ZNF195: variants seen among roughly 807,000 people sequenced by gnomAD.
ZNF195 encodes the protein zinc finger protein 195, also known as hypoxia-regulated factor-1.
Under a neutral mutation model 19.5 loss-of-function variants are expected in ZNF195, and 11 were observed. The ratio of observed to expected loss-of-function variants is 0.57; its 90% CI spans 0.36 to 0.94. The LOEUF (loss-of-function observed/expected upper bound fraction) is 0.94, where lower values mean the gene tolerates loss of function less well. ZNF195 is among the 40% of genes least tolerant of loss of function. ZNF195 has a pLI of 0.01. For synonymous variants in ZNF195, 214 were observed against 248.1 expected (o/e 0.86, Z 1.29); for missense variants, 582 against 709.0 (o/e 0.82, Z 2.03).
At chr11:3,371,256 T>C in intron 2 of ZNF195, 186 bp from the exon 3 acceptor site, 1 of 669,116 alleles carries the variant, frequency 1.5e-6, no homozygotes, top group Admixed American at 3.1e-5. Context: ...GTTTCACCAC[T>C]CAGTACTGCT....
chr11:3,377,915 A>C (rs963128532), intron 1 of ZNF195: 3 of 986,544 alleles, frequency 3.0e-6, no homozygotes, highest in Non-Finnish European at 3.6e-6. Flanking sequence ...GGAAAATAAA[A>C]AGGAGGAGAG....
Position 3,360,204 on chromosome 11 carries a change from T to C in ZNF195, c.804A>G (p.Gly268=). ...ATTCTCCACATTTTTGGAATTTTTTTCCAGTGTGAATTTTCTGATGTTCAG... is the reference window on the plus strand; with the variant it reads ...ATTCTCCACATTTTTGGAATTTTTTCCCAGTGTGAATTTTCTGATGTTCAG... ...FLTEHQKIHT[G]KKFQKCGECG... Residue 268 remains glycine, a synonymous_variant, in exon 6 of 6, where the codon GGA becomes GGG. Transcript: ENST00000399602. 6.2e-7 allele frequency: 1 copy of C among 1,614,032 alleles called. No individual in the cohort carries two copies. The highest frequency in any genetic ancestry group is 8.5e-7 in the Non-Finnish European group (1 of 1,179,970).
At chr11:3,360,695 T>C in intron 5 of ZNF195, 25 bp downstream of exon 5, 1 of 1,549,344 alleles carries the variant, frequency 6.5e-7, no homozygotes, top group Admixed American at 2.0e-5. Context: ...CTAATTTCTG[T>C]ATAAACATAT....
chr11:3,360,567 TGAA>T lies in ZNF195; in HGVS notation c.443-5_443-3del, dbSNP rs761725393. ...CTTGGGTAAAATGAGAAGACATAGC[TGAA>T]AAAAAAAAAAAAAGTTATCCGACTT... On this transcript the variant is annotated splice_region_variant and splice_polypyrimidine_tract_variant and intron_variant, in intron 5 of 5. Transcript: ENST00000399602. The T allele has an allele frequency of 2.3e-5, 35 of 1,519,212 alleles. 1 individual carries two copies. In the Admixed American group the frequency reaches 8.0e-4, roughly 35 times the overall value. The allele number at this position is 1,519,212 out of a possible 1,614,324, so 94.1% of individuals were successfully genotyped here.
intron 1 of ZNF195, 21 bp from the exon 2 acceptor site, chr11:3,371,724 A>G: frequency 6.3e-7 from 1 of 1,580,520 alleles, no homozygotes; most frequent in Non-Finnish European, 8.6e-7. Context: ...AACAACAACA[A>G]TAACAAATAC....
chr11:3,369,459 T>C (rs1340720447), intron 3 of ZNF195: 4 of 451,714 alleles, frequency 8.9e-6, no homozygotes, highest in Non-Finnish European at 1.8e-5. Flanking sequence ...GCAGCATTAT[T>C]CACAATTGTC....
At chr11:3,364,953 A>T (rs187765413) in intron 3 of ZNF195, among the ~76,000 whole-genome samples, 2 of 151,982 alleles carry the variant, frequency 1.3e-5, no homozygotes, top group East Asian at 3.9e-4. Flanking sequence ...AAGTGAAAAT[A>T]AAAAAAAATT....
chr11:3,363,400 CA>C (rs1848723726), intron 3 of ZNF195: 1 of 152,054 alleles, frequency 6.6e-6, no homozygotes, highest in Non-Finnish European at 1.5e-5. Context: ...ACCTGTTAAA[CA>C]AATAAATAAG....
intron 1 of ZNF195, chr11:3,373,741 A>G (rs1849324756): frequency 3.0e-6 from 3 of 1,002,956 alleles, no homozygotes; most frequent in East Asian, 5.3e-5. Context: ...AAGACCAAGA[A>G]ATACAGAAAA....
chr11:3,361,998 G>T (rs189773729), intron 3 of ZNF195, 109 bp from the exon 4 acceptor site: 2 of 441,632 alleles, frequency 4.5e-6, no homozygotes, highest in Non-Finnish European at 9.2e-6. Flanking sequence ...AGTGGAGGCC[G>T]CAGTGAGCCA....
At chr11:3,375,809 A>T (rs1376226236) in intron 1 of ZNF195, 1 of 152,076 alleles carries the variant, frequency 6.6e-6, no homozygotes, top group Non-Finnish European at 1.5e-5. Context: ...ACCCTGGGTG[A>T]CTCATTTCTC....
At chr11:3,377,993 A>G (rs988165818) in intron 1 of ZNF195, 29 of 931,022 alleles carry the variant, frequency 3.1e-5, no homozygotes, top group Non-Finnish European at 1.3e-5. Context: ...GAATGATTAC[A>G]AACAGAAAAC....
Position 3,371,457 on chromosome 11 carries a change from T to A in ZNF195, c.130+120A>T, listed in dbSNP as rs1032486956. 2.5e-5 allele frequency: 34 copies of A among 1,338,348 alleles called. 1 individual carries two copies. The highest frequency in any genetic ancestry group is 4.1e-5 in the South Asian group (3 of 73,234). The allele number at this position is 1,338,348 out of a possible 1,614,324, so 82.9% of individuals were successfully genotyped here. ...ACATCAACTATTCCCCATGTTTTTC[T>A]TAAAAGCAGGGATCTGAAACTCATT... On this transcript the variant is annotated intron_variant, in intron 2 of 5. Transcript: ENST00000399602.
intron 3 of ZNF195, among the ~76,000 whole-genome samples, chr11:3,363,546 C>G (rs2133680192): frequency 6.6e-6 from 1 of 152,312 alleles, no homozygotes; most frequent in East Asian, 1.9e-4. Context: ...TGAGCATGCT[C>G]TTGTTCAAAG....
intron 3 of ZNF195, chr11:3,367,063 TAAAA>T (rs745424546): frequency 1.8e-3 from 260 of 147,708 alleles, no homozygotes; most frequent in Middle Eastern, 5.6e-3. Context: ...AAACTCTGTG[TAAAA>T]AAAAAAAAAA....
chr11:3,368,217 C>G (rs1232180424), intron 3 of ZNF195, among the ~76,000 whole-genome samples: 1 of 152,168 alleles, frequency 6.6e-6, no homozygotes, highest in Non-Finnish European at 1.5e-5. Flanking sequence ...TGAAAATGTA[C>G]AGGACAGTGA....
At position 3,360,310 on chromosome 11, in the gene ZNF195, C is replaced by A. The variant is rs1475782521; in HGVS notation, c.698G>T (p.Arg233Ile). The change falls in exon 6 of 6, where the codon AGA becomes ATA. Residue 233 changes from arginine (R) to isoleucine (I), a missense_variant. Physicochemically the swap from Arg to Ile is moderately conservative, Grantham distance 97. Around this residue, in one of 3 missense-constraint regions of ZNF195, gnomAD observed 407 missense variants for 530.5 expected, o/e 0.77. Transcript: ENST00000399602. ...KIFDNFSNLH[R>I]RNISNTGEKP... is the part of the protein sequence containing the mutation. ...CTCTCCAGTATTACTTATATTACGTCTATGTAAATTTGAAAAGTTATCAAA... is the reference window on the plus strand; with the variant it reads ...CTCTCCAGTATTACTTATATTACGTATATGTAAATTTGAAAAGTTATCAAA... The A allele has an allele frequency of 2.6e-5, 41 of 1,605,288 alleles. No homozygotes were observed. The highest frequency in any genetic ancestry group is 3.4e-5 in the Non-Finnish European group (40 of 1,174,406).
At chr11:3,373,303 C>T (rs1190278232) in intron 1 of ZNF195, among the ~76,000 whole-genome samples, 3 of 152,072 alleles carry the variant, frequency 2.0e-5, no homozygotes, top group Non-Finnish European at 4.4e-5. Flanking sequence ...TTCAGTGCCA[C>T]GAAGTGAACT....
At chr11:3,377,511 G>A (rs536255389) in intron 1 of ZNF195, 173 of 910,470 alleles carry the variant, frequency 1.9e-4, no homozygotes, top group East Asian at 1.0e-4. Flanking sequence ...AAATGATTTC[G>A]GTCTTTTCCC....
Sources: allele counts gnomAD v4.1 joint callset (sites outside exome capture counted in the v4.1 genomes callset), GRCh38; gene constraint gnomAD v4.1.1; regional missense constraint gnomAD v4.1.1; transcripts MANE v1.5; gene names NCBI Gene and HGNC (gene_info 2026-07-23, HGNC 2026-07-21).